Variants in FMN1 observed in about 807,000 individuals in gnomAD.
FMN1 encodes formin-1.
FMN1 carries 110 observed loss-of-function variants against 132.4 expected under a neutral mutation model. The ratio of observed to expected loss-of-function variants is 0.83; its 90% CI spans 0.71 to 0.97. The LOEUF (loss-of-function observed/expected upper bound fraction) is 0.97. Ranked by LOEUF, FMN1 falls within the 50% of genes least tolerant of loss-of-function variation. The probability of loss-of-function intolerance (pLI) is 0.00; values close to 1 mark genes in which losing one functional copy is unlikely to be tolerated. For synonymous variants in FMN1, 722 were observed against 651.7 expected, an observed-to-expected ratio of 1.11 and a Z score of -1.64; for missense variants, 1,792 against 1,705.3, an observed-to-expected ratio of 1.05 and a Z score of -0.90.
At chr15:32,823,107 C>A (rs554886088) in intron 17 of FMN1, among the ~76,000 whole-genome samples, 5 of 150,784 alleles carry the variant, frequency 3.3e-5, no homozygotes, top group Non-Finnish European at 7.4e-5. Flanking sequence ...CTCCTACCCA[C>A]GAGCCCCCAT....
At chr15:33,024,064 A>G (rs1344514067) in intron 6 of FMN1, among the ~76,000 whole-genome samples, 1 of 152,152 alleles carries the variant, frequency 6.6e-6, no homozygotes, top group East Asian at 1.9e-4. Flanking sequence ...AATAAAAAGG[A>G]TAGCAACCAT....
chr15:32,852,057 C>T (rs541140013), intron 17 of FMN1, among the ~76,000 whole-genome samples: 1 of 152,284 alleles, frequency 6.6e-6, no homozygotes, highest in Non-Finnish European at 1.5e-5. Context: ...CAGGTATCGC[C>T]TCATTCTACA....
intron 5 of FMN1, among the ~76,000 whole-genome samples, chr15:33,072,950 A>G (rs1429096360): frequency 3.3e-5 from 5 of 151,922 alleles, no homozygotes; most frequent in South Asian, 2.1e-4. Context: ...AAAACAGAAC[A>G]TCAGTCTAGT....
At chr15:33,018,659 T>G (rs998629936) in intron 6 of FMN1, among the ~76,000 whole-genome samples, 15 of 152,206 alleles carry the variant, frequency 9.9e-5, no homozygotes, top group African/African-American at 3.6e-4. Flanking sequence ...AATTGGTGTG[T>G]TCTTGGTCTC....
intron 19 of FMN1, among the ~76,000 whole-genome samples, chr15:32,788,856 G>C (rs931066619): frequency 6.6e-6 from 1 of 152,196 alleles, no homozygotes; most frequent in Admixed American, 6.6e-5. Flanking sequence ...AAGTAATACA[G>C]TCAAGAACAG....
At chr15:32,951,923 G>A (rs914301056) in intron 9 of FMN1, among the ~76,000 whole-genome samples, 3 of 152,158 alleles carry the variant, frequency 2.0e-5, no homozygotes, top group Admixed American at 6.5e-5. Flanking sequence ...TGCTAGAGAA[G>A]GCAGCTGGTC....
At chr15:32,928,302 A>T (rs1344716296) in intron 9 of FMN1, among the ~76,000 whole-genome samples, 3 of 152,098 alleles carry the variant, frequency 2.0e-5, no homozygotes, top group Non-Finnish European at 1.5e-5. Context: ...GGTACTCAGT[A>T]ATTTTTTATA....
At chr15:33,089,029 A>G (rs2038808963) in intron 4 of FMN1, 55 bp from the exon 5 acceptor site, 2 of 1,440,386 alleles carry the variant, frequency 1.4e-6, no homozygotes, top group Non-Finnish European at 1.8e-6. Flanking sequence ...AAATAAATAA[A>G]TAAAGCCATA....
chr15:32,861,296 G>A (rs907044375), intron 16 of FMN1, among the ~76,000 whole-genome samples: 1 of 152,190 alleles, frequency 6.6e-6, no homozygotes, highest in Non-Finnish European at 1.5e-5. Context: ...AATTACAAAA[G>A]CAATACTTTC....
intron 17 of FMN1, among the ~76,000 whole-genome samples, chr15:32,808,534 G>C (rs2057761468): frequency 1.3e-5 from 2 of 152,208 alleles, no homozygotes; most frequent in Non-Finnish European, 2.9e-5. Flanking sequence ...TTTGCACCAG[G>C]TGGACCTGGG....
intron 17 of FMN1, among the ~76,000 whole-genome samples, chr15:32,818,919 T>C (rs2058130252): frequency 6.6e-6 from 1 of 151,156 alleles, no homozygotes; most frequent in Non-Finnish European, 1.5e-5. Flanking sequence ...CGAAGCTGAT[T>C]TCAGAAAGTA....
At chr15:33,023,495 AAG>A (rs1239033927) in intron 6 of FMN1, among the ~76,000 whole-genome samples, 9 of 152,200 alleles carry the variant, frequency 5.9e-5, no homozygotes, top group Non-Finnish European at 1.3e-4. Flanking sequence ...GCAACACACT[AAG>A]AGACAAGAAA....
At chr15:33,167,158 T>G (rs1371476848) in intron 3 of FMN1, among the ~76,000 whole-genome samples, 3 of 152,188 alleles carry the variant, frequency 2.0e-5, no homozygotes, top group Non-Finnish European at 4.4e-5. Context: ...AATCTCACCT[T>G]GAATTGTAAT....
chr15:32,958,143 T>A (rs567211002), intron 9 of FMN1, among the ~76,000 whole-genome samples: 1 of 152,226 alleles, frequency 6.6e-6, no homozygotes, highest in East Asian at 1.9e-4. Context: ...ACTCAAAGAT[T>A]TGGCTTCCTA....
intron 16 of FMN1, among the ~76,000 whole-genome samples, chr15:32,870,306 C>A (rs568892818): frequency 1.3e-5 from 2 of 152,148 alleles, no homozygotes; most frequent in Non-Finnish European, 2.9e-5. Flanking sequence ...CTTTACAGAG[C>A]GGCTGCCTCT....
intron 4 of FMN1, among the ~76,000 whole-genome samples, chr15:33,117,789 A>T (rs2039984519): frequency 6.6e-6 from 1 of 152,214 alleles, no homozygotes; most frequent in Non-Finnish European, 1.5e-5. Flanking sequence ...CAAAGGAAGA[A>T]CCACTAGAGC....
At chr15:33,124,893 T>C (rs1178399075) in intron 4 of FMN1, among the ~76,000 whole-genome samples, 1 of 152,036 alleles carries the variant, frequency 6.6e-6, no homozygotes, top group Non-Finnish European at 1.5e-5. Flanking sequence ...TAGAGCCTTG[T>C]TTGGCACAAG....
rs113506987 is a variant in FMN1, at chr15:33,145,977, A to ATTT, written c.1867+7068_1867+7070dup. Among the ~76,000 whole-genome samples, 441 of 143,118 alleles carry ATTT rather than the reference A, an allele frequency of 3.1e-3. 4 individuals are homozygous for ATTT. Among genetic ancestry groups the ATTT allele is most frequent in the African/African-American group, 0.011 (428 of 38,818 alleles). 93.9% of individuals were successfully genotyped at this position (143,118 alleles called of 152,430 possible). A position where few individuals can be genotyped will look rare whatever the true frequency, so the allele number is the denominator to read the frequency against. ...TGTGAATAAAACCGTATTACCATGA[A>ATTT]TTTTTTTTTTTTTTTTGAAATGGAG... On this transcript the variant is annotated intron_variant, in intron 4 of 20. Coordinates refer to ENST00000616417, the MANE Select transcript of FMN1 (RefSeq NM_001277313.2).
intron 17 of FMN1, among the ~76,000 whole-genome samples, chr15:32,846,375 T>G (rs1444142039): frequency 6.6e-6 from 1 of 151,920 alleles, no homozygotes; most frequent in African/African-American, 2.4e-5. Flanking sequence ...GAACTTAAAT[T>G]TACAAGAAAC....
Sources: allele counts gnomAD v4.1 joint callset (sites outside exome capture counted in the v4.1 genomes callset), GRCh38; gene constraint gnomAD v4.1.1; transcripts MANE v1.5; gene names NCBI Gene and HGNC (gene_info 2026-07-23, HGNC 2026-07-21).